MARK3: variants seen among roughly 807,000 people sequenced by gnomAD.
MARK3 encodes the protein microtubule affinity regulating kinase 3, also known as MAP/microtubule affinity-regulating kinase 3.
Under a neutral mutation model 90.1 loss-of-function variants are expected in MARK3, and 46 were observed. That is an observed-to-expected ratio of 0.51 (90% CI 0.40 to 0.65). The LOEUF is 0.65. Ranked by LOEUF, MARK3 falls within the 30% of genes least tolerant of loss-of-function variation. The probability of loss-of-function intolerance (pLI) is 0.00; values close to 1 mark genes in which losing one functional copy is unlikely to be tolerated. For synonymous variants in MARK3, 321 were observed against 332.6 expected (o/e 0.97, Z 0.38); for missense variants, 818 against 947.2 (o/e 0.86, Z 1.79).
At chr14:103,440,871 A>C (rs2092833269) in intron 3 of MARK3, among the ~76,000 whole-genome samples, 1 of 147,874 alleles carries the variant, frequency 6.8e-6, no homozygotes, top group Non-Finnish European at 1.5e-5. Flanking sequence ...AGGAGTTTAC[A>C]GCTGCGGTGA....
At chr14:103,392,419 T>C (rs2090315142) in intron 1 of MARK3, among the ~76,000 whole-genome samples, 1 of 152,156 alleles carries the variant, frequency 6.6e-6, no homozygotes, top group Non-Finnish European at 1.5e-5. Flanking sequence ...CCCCTAGACC[T>C]TGATTTTACC....
chr14:103,458,822 T>C, intron 6 of MARK3: 1 of 638,972 alleles, frequency 1.6e-6, no homozygotes, highest in South Asian at 1.9e-5. Context: ...ATTAAGTTTC[T>C]TATAAACGTT....
chr14:103,491,574 C>T, intron 14 of MARK3: 1 of 568,288 alleles, frequency 1.8e-6, no homozygotes, highest in Non-Finnish European at 3.1e-6. Context: ...GTCCCTTAAA[C>T]TCCATGAGGC....
intron 14 of MARK3, among the ~76,000 whole-genome samples, chr14:103,483,125 A>G (rs2093856795): frequency 1.3e-5 from 2 of 152,194 alleles, no homozygotes; most frequent in Admixed American, 6.5e-5. Flanking sequence ...GTGAGATACA[A>G]TTAGCTTTCC....
At chr14:103,386,182 G>A (rs1349515465) in intron 1 of MARK3, 102 bp downstream of exon 1, 2 of 1,126,924 alleles carry the variant, frequency 1.8e-6, no homozygotes, top group Non-Finnish European at 2.7e-6. Flanking sequence ...GAACGCTCTG[G>A]AAATAGAGGG....
intron 3 of MARK3, among the ~76,000 whole-genome samples, chr14:103,441,037 T>G (rs144883060): frequency 6.6e-6 from 1 of 152,210 alleles, no homozygotes; most frequent in East Asian, 1.9e-4. Context: ...TTTAGGTTTT[T>G]TGTTTCTTCT....
chr14:103,388,119 C>T (rs2089955812), intron 1 of MARK3, among the ~76,000 whole-genome samples: 1 of 152,034 alleles, frequency 6.6e-6, no homozygotes, highest in African/African-American at 2.4e-5. Flanking sequence ...TTAGTAGAGA[C>T]GGGGTTTCTC....
chr14:103,455,455 G>A (rs546931182), intron 5 of MARK3, among the ~76,000 whole-genome samples: 1 of 152,028 alleles, frequency 6.6e-6, no homozygotes, highest in Non-Finnish European at 1.5e-5. Context: ...GGCTGGGCAC[G>A]GTGGCTCACG....
chr14:103,483,041 T>G (rs3783398), intron 14 of MARK3, among the ~76,000 whole-genome samples: 1 of 151,972 alleles, frequency 6.6e-6, no homozygotes, highest in African/African-American at 2.4e-5. Context: ...GACTGGAAAA[T>G]TATTGGGTTT....
intron 3 of MARK3, among the ~76,000 whole-genome samples, chr14:103,435,313 C>T (rs889267249): frequency 2.0e-5 from 3 of 151,810 alleles, no homozygotes; most frequent in African/African-American, 7.3e-5. Flanking sequence ...ATGTGGTGAT[C>T]TCAGTACACA....
At chr14:103,487,552 G>A (rs953235888) in intron 14 of MARK3, among the ~76,000 whole-genome samples, 1 of 151,944 alleles carries the variant, frequency 6.6e-6, no homozygotes, top group African/African-American at 2.4e-5. Context: ...AAAGACTTTG[G>A]GACCATTTGT....
chr14:103,476,752 T>C (rs567372330), intron 13 of MARK3, among the ~76,000 whole-genome samples: 2 of 152,314 alleles, frequency 1.3e-5, no homozygotes, highest in East Asian at 3.9e-4. Flanking sequence ...AGCCCTTCAT[T>C]GTTCCATTCT....
chr14:103,392,840 TCA>T (rs1397306847), intron 1 of MARK3, among the ~76,000 whole-genome samples: 15 of 151,886 alleles, frequency 9.9e-5, no homozygotes, highest in African/African-American at 3.6e-4. Context: ...AGGCGGAGTC[TCA>T]CACTGTTACC....
intron 3 of MARK3, among the ~76,000 whole-genome samples, chr14:103,431,936 G>A (rs545959119): frequency 2.0e-5 from 3 of 151,822 alleles, no homozygotes; most frequent in Non-Finnish European, 2.9e-5. Context: ...CAGGAGTTTC[G>A]CTGAACAGAA....
chr14:103,495,524 ACT>A (rs1411282672), intron 15 of MARK3, among the ~76,000 whole-genome samples: 4 of 151,980 alleles, frequency 2.6e-5, no homozygotes, highest in Admixed American at 2.0e-4. Context: ...ATCTGACCAG[ACT>A]CTGCCCTTTT....
intron 3 of MARK3, among the ~76,000 whole-genome samples, chr14:103,447,861 C>T (rs2093034063): frequency 6.6e-6 from 1 of 152,126 alleles, no homozygotes; most frequent in Non-Finnish European, 1.5e-5. Flanking sequence ...GCAACCTCCA[C>T]TTCCCAGGCT....
intron 1 of MARK3, among the ~76,000 whole-genome samples, chr14:103,388,044 G>T (rs141467632): frequency 8.5e-5 from 13 of 152,198 alleles, no homozygotes; most frequent in African/African-American, 3.1e-4. Context: ...TGATTCTCCT[G>T]CCTCAGCCTC....
intron 3 of MARK3, among the ~76,000 whole-genome samples, chr14:103,446,861 C>T (rs2093010460): frequency 6.6e-6 from 1 of 151,620 alleles, no homozygotes; most frequent in Admixed American, 6.6e-5. Context: ...TTCTAGCTAC[C>T]AATTCAACTA....
At chr14:103,471,280 C>G (rs1038299347) in intron 12 of MARK3, among the ~76,000 whole-genome samples, 2 of 152,084 alleles carry the variant, frequency 1.3e-5, no homozygotes, top group Admixed American at 6.6e-5. Flanking sequence ...AGATTCCATC[C>G]AGATTATTAG....
Sources: allele counts gnomAD v4.1 joint callset (sites outside exome capture counted in the v4.1 genomes callset), GRCh38; gene constraint gnomAD v4.1.1; transcripts MANE v1.5; gene names NCBI Gene and HGNC (gene_info 2026-07-23, HGNC 2026-07-21).